Variants in C12orf42 observed in about 807,000 individuals in gnomAD.
C12orf42 encodes the protein chromosome 12 open reading frame 42, also known as uncharacterized protein C12orf42.
Under a neutral mutation model 21.6 loss-of-function variants are expected in C12orf42, and 25 were observed. The observed-to-expected ratio is 1.16, with a 90% confidence interval of 0.84 to 1.62. The LOEUF is 1.62. Ranked by LOEUF, C12orf42 falls within the 40% of genes most tolerant of loss-of-function variation. The pLI, the probability that C12orf42 is intolerant of heterozygous loss-of-function variation, is 0.00. For synonymous variants in C12orf42, 174 were observed against 175.0 expected (o/e 0.99, Z 0.05); for missense variants, 483 against 459.3 (o/e 1.05, Z -0.47).
intron 2 of C12orf42, among the ~76,000 whole-genome samples, chr12:103,408,228 T>C (rs551119028): frequency 6.6e-6 from 1 of 152,256 alleles, no homozygotes; most frequent in South Asian, 2.1e-4. Context: ...CATGGAAATA[T>C]AGGCTGTGGG....
the C12orf42 span, among the ~76,000 whole-genome samples, chr12:103,092,106 A>G: frequency 6.6e-6 from 1 of 152,226 alleles, no homozygotes; most frequent in Non-Finnish European, 1.5e-5. Context: ...TTCTCTGACT[A>G]GTAAAATTTC....
At chr12:103,172,843 T>G in the C12orf42 span, among the ~76,000 whole-genome samples, 1 of 152,286 alleles carries the variant, frequency 6.6e-6, no homozygotes, top group Admixed American at 6.5e-5. Context: ...AATCTAAATT[T>G]TGTCAAATAT....
the C12orf42 span, among the ~76,000 whole-genome samples, chr12:103,163,139 T>C: frequency 1.3e-5 from 2 of 152,198 alleles, no homozygotes; most frequent in Admixed American, 1.3e-4. Context: ...GGAAGAATTT[T>C]ACTAGTTGAA....
chr12:103,127,804 T>C, the C12orf42 span, among the ~76,000 whole-genome samples: 4 of 152,346 alleles, frequency 2.6e-5, no homozygotes, highest in South Asian at 2.1e-4. Context: ...TGAATATATA[T>C]CTATATTTAT....
chr12:103,555,013 T>C, the C12orf42 span, among the ~76,000 whole-genome samples: 1 of 152,248 alleles, frequency 6.6e-6, no homozygotes, highest in African/African-American at 2.4e-5. Context: ...CCCCCTGTCA[T>C]GGTAGGCTTC....
intron 2 of C12orf42, among the ~76,000 whole-genome samples, chr12:103,427,625 G>T (rs1949944621): frequency 6.6e-6 from 1 of 152,126 alleles, no homozygotes; most frequent in Non-Finnish European, 1.5e-5. Flanking sequence ...GGACCAAGTG[G>T]ACTTAACAGA....
At chr12:103,196,621 T>C in the C12orf42 span, among the ~76,000 whole-genome samples, 1 of 152,208 alleles carries the variant, frequency 6.6e-6, no homozygotes, top group Non-Finnish European at 1.5e-5. Context: ...GGCATATATA[T>C]ATTTAGAATA....
At chr12:103,348,883 A>G (rs10778237) in intron 4 of C12orf42, among the ~76,000 whole-genome samples, 67,317 of 151,990 alleles carry the variant, frequency 0.44, 16,162 homozygotes, top group African/African-American at 0.64. Flanking sequence ...AAATGGATGA[A>G]TAAATTGAAT....
chr12:103,422,498 C>T (rs2049997040), intron 2 of C12orf42, among the ~76,000 whole-genome samples: 1 of 152,124 alleles, frequency 6.6e-6, no homozygotes, highest in South Asian at 2.1e-4. Flanking sequence ...GGATGCGGTA[C>T]ATTTCATTAG....
chr12:103,201,297 A>G, the C12orf42 span, among the ~76,000 whole-genome samples: 2 of 152,128 alleles, frequency 1.3e-5, no homozygotes, highest in Non-Finnish European at 2.9e-5. Flanking sequence ...GTGGCAGCAG[A>G]CCACCAAACA....
At chr12:103,223,997 T>G in the C12orf42 span, among the ~76,000 whole-genome samples, 2 of 152,282 alleles carry the variant, frequency 1.3e-5, no homozygotes, top group South Asian at 2.1e-4. Context: ...CTGATTTGAC[T>G]AATAAAGGCT....
the C12orf42 span, among the ~76,000 whole-genome samples, chr12:103,222,897 C>T: frequency 8.6e-5 from 13 of 150,866 alleles, no homozygotes; most frequent in Admixed American, 2.7e-4. Flanking sequence ...TTGCCACTCT[C>T]ACTTGGGAAT....
chr12:103,067,030 G>A, the C12orf42 span, among the ~76,000 whole-genome samples: 14 of 152,178 alleles, frequency 9.2e-5, no homozygotes, highest in Admixed American at 6.5e-4. Context: ...ACCTGGCTAC[G>A]ACCACTGCTG....
chr12:103,533,917 GC>G, the C12orf42 span, among the ~76,000 whole-genome samples: 4,104 of 152,258 alleles, frequency 0.027, 150 homozygotes, highest in East Asian at 0.19. Context: ...GCAGTCTTGG[GC>G]AAGTCTTAAT....
the C12orf42 span, among the ~76,000 whole-genome samples, chr12:103,195,570 T>C: frequency 6.3e-4 from 96 of 152,282 alleles, no homozygotes; most frequent in African/African-American, 1.9e-3. Flanking sequence ...TTTCATATGC[T>C]TGTTGGCTAG....
rs2138017485 is a variant in C12orf42, at chr12:103,478,334, T to A, written c.78+15A>T. 6.5e-7 allele frequency: 1 copy of A among 1,547,356 alleles called. No homozygotes were observed. The highest frequency in any genetic ancestry group is 1.2e-5 in the South Asian group (1 of 83,844). On this transcript the variant is annotated intron_variant, in intron 2 of 5. Coordinates refer to ENST00000548883, the MANE Select transcript of C12orf42 (RefSeq NM_198521.5). ...CTAAAAAAAGTAAGAAAATATAGTA[T>A]CTCTTATGCATTACCTGCATCCTGT...
chr12:103,428,703 G>A (rs1020604267), intron 2 of C12orf42, among the ~76,000 whole-genome samples: 2 of 152,206 alleles, frequency 1.3e-5, no homozygotes, highest in Admixed American at 6.6e-5. Flanking sequence ...GATGAACATT[G>A]ATGCAAAAAT....
chr12:103,557,970 A>C, the C12orf42 span: 1 of 152,306 alleles, frequency 6.6e-6, no homozygotes, highest in African/African-American at 2.4e-5. Flanking sequence ...TCAACATTTG[A>C]CACAGTTACT....
At chr12:103,485,162 C>T (rs1248877881) in intron 1 of C12orf42, among the ~76,000 whole-genome samples, 1 of 152,004 alleles carries the variant, frequency 6.6e-6, no homozygotes, top group Non-Finnish European at 1.5e-5. Flanking sequence ...AGCCACCGTG[C>T]CCGGCCCAGT....
Sources: gnomAD v4.1 joint callset for allele counts (sites outside exome capture counted in the v4.1 genomes callset) on GRCh38, gnomAD v4.1.1 for gene constraint, MANE v1.5 for transcripts, NCBI Gene and HGNC (gene_info 2026-07-23, HGNC 2026-07-21) for gene names.